The following CCDC63 variants were observed in gnomAD, a reference collection of about 807,000 sequenced individuals.
The protein encoded by CCDC63 is coiled-coil domain containing 63, also known as coiled-coil domain-containing protein 63.
In CCDC63, 54 loss-of-function variants were observed where a neutral mutation model predicts 63.6. The ratio of observed to expected loss-of-function variants is 0.85; its 90% CI spans 0.68 to 1.07. The LOEUF is 1.07. Among genes scored for constraint, CCDC63 ranks in the 50% least tolerant of loss-of-function variants. The pLI, the probability that CCDC63 is intolerant of heterozygous loss-of-function variation, is 0.00. For synonymous variants in CCDC63, 253 were observed against 266.1 expected, an observed-to-expected ratio of 0.95 and a Z score of 0.48; for missense variants, 637 against 689.6, an observed-to-expected ratio of 0.92 and a Z score of 0.86.
intron 7 of CCDC63, among the ~76,000 whole-genome samples, chr12:110,883,238 A>C (rs566806991): frequency 6.6e-6 from 1 of 152,098 alleles, no homozygotes; most frequent in African/African-American, 2.4e-5. Context: ...GGGTTTCACC[A>C]TGTTGGCCAG....
intron 8 of CCDC63, 58 bp from the exon 9 acceptor site, chr12:110,893,018 G>T: frequency 7.4e-7 from 1 of 1,347,468 alleles, no homozygotes; most frequent in Non-Finnish European, 1.1e-6. Flanking sequence ...CTTATTTTTG[G>T]GAGCAGTGGG....
At chr12:110,852,602 A>G (rs2070717942) in intron 1 of CCDC63, among the ~76,000 whole-genome samples, 1 of 152,084 alleles carries the variant, frequency 6.6e-6, no homozygotes, top group South Asian at 2.1e-4. Context: ...CACAGGGAGC[A>G]GGAGGGTAAC....
At chr12:110,868,591 C>G (rs1209841717) in intron 4 of CCDC63, among the ~76,000 whole-genome samples, 3 of 151,702 alleles carry the variant, frequency 2.0e-5, no homozygotes, top group East Asian at 1.9e-4. Context: ...TGTGGCGGCG[C>G]GTGCCTGCAA....
intron 1 of CCDC63, among the ~76,000 whole-genome samples, chr12:110,852,256 C>T (rs752450453): frequency 7.2e-5 from 11 of 152,086 alleles, no homozygotes; most frequent in Non-Finnish European, 1.0e-4. Flanking sequence ...CACACTGCCC[C>T]GATGCCTTTT....
At chr12:110,860,057 T>C (rs1169497026) in intron 4 of CCDC63, among the ~76,000 whole-genome samples, 1 of 152,158 alleles carries the variant, frequency 6.6e-6, no homozygotes, top group Non-Finnish European at 1.5e-5. Context: ...CAGGGTACTT[T>C]GAGAAGAGTT....
intron 10 of CCDC63, among the ~76,000 whole-genome samples, chr12:110,901,301 A>G (rs750104512): frequency 6.6e-6 from 1 of 152,150 alleles, no homozygotes; most frequent in Non-Finnish European, 1.5e-5. Flanking sequence ...ATACTCTTTT[A>G]GTTATTTTAA....
chr12:110,893,150 G>T lies in CCDC63; in HGVS notation c.1149G>T (p.Glu383Asp). 6.2e-7 allele frequency: 1 copy of T among 1,613,332 alleles called. No individual in the cohort carries two copies. The highest frequency in any genetic ancestry group is 8.5e-7 in the Non-Finnish European group (1 of 1,179,302). Residue 383 changes from glutamate (E) to aspartate (D), a missense_variant and splice_region_variant, in exon 9 of 12, where the codon GAG (glutamate) becomes GAT (aspartate). Glu to Asp is a conservative substitution (Grantham distance 45). Transcript: ENST00000308208. ...DDNHSVLRQL[E>D]DKLRKTTEEA... ...ACCACTCTGTCCTGAGACAGCTGGA[G>T]GTGAGAACAGGATCGGGAGGGAGGG... is the stretch of plus-strand genomic sequence containing the variant.
chr12:110,854,156 C>T (rs973867877), intron 3 of CCDC63, among the ~76,000 whole-genome samples: 2 of 151,716 alleles, frequency 1.3e-5, no homozygotes, highest in Non-Finnish European at 2.9e-5. Context: ...CCAGAGAAGG[C>T]GGAAACCCTA....
At chr12:110,886,783 G>C (rs773483794) in intron 8 of CCDC63, among the ~76,000 whole-genome samples, 2 of 152,144 alleles carry the variant, frequency 1.3e-5, no homozygotes, top group Non-Finnish European at 2.9e-5. Context: ...AGGTGCACCC[G>C]GGGGTGGGGA....
intron 5 of CCDC63, among the ~76,000 whole-genome samples, chr12:110,875,663 G>C (rs2071120838): frequency 6.6e-6 from 1 of 152,152 alleles, no homozygotes. Flanking sequence ...GTTGTTCCTA[G>C]TATATCCCTT....
chr12:110,858,450 G>GAC, intron 3 of CCDC63, 136 bp from the exon 4 acceptor site: 1 of 666,652 alleles, frequency 1.5e-6, no homozygotes. Flanking sequence ...TGAGACCATG[G>GAC]ACACGTCCCT....
intron 4 of CCDC63, among the ~76,000 whole-genome samples, chr12:110,867,824 G>T: frequency 6.6e-6 from 1 of 151,622 alleles, no homozygotes; most frequent in Non-Finnish European, 1.5e-5. Flanking sequence ...CAGTAGGGGC[G>T]GCCGGGCAGA....
In CCDC63 at chr12:110,893,179, C is replaced by T. The variant is rs762298005; in HGVS notation, c.1149+29C>T. Reference sequence around the variant, plus strand: ...AGAACAGGATCGGGAGGGAGGGATGCGGGAGCTTCTGTTGTCTGTCTCTGT... The same window carrying T: ...AGAACAGGATCGGGAGGGAGGGATGTGGGAGCTTCTGTTGTCTGTCTCTGT... On this transcript the variant is annotated intron_variant, in intron 9 of 11. Transcript: ENST00000308208. The T allele has an allele frequency of 1.6e-5, 25 of 1,577,556 alleles. No homozygotes were observed. The East Asian group carries it at 3.6e-4, about 23-fold the overall frequency.
intron 8 of CCDC63, among the ~76,000 whole-genome samples, chr12:110,887,891 G>A (rs773393991): frequency 3.9e-5 from 6 of 152,240 alleles, no homozygotes; most frequent in Non-Finnish European, 8.8e-5. Context: ...CACCGCGCCC[G>A]GCCCCAGCCT....
At chr12:110,881,754 A>G (rs2071212447) in intron 7 of CCDC63, among the ~76,000 whole-genome samples, 1 of 152,182 alleles carries the variant, frequency 6.6e-6, no homozygotes, top group African/African-American at 2.4e-5. Flanking sequence ...AATATCAAAT[A>G]AACAATAAAT....
chr12:110,860,628 C>G (rs1358904953), intron 4 of CCDC63, among the ~76,000 whole-genome samples: 1 of 152,120 alleles, frequency 6.6e-6, no homozygotes, highest in African/African-American at 2.4e-5. Flanking sequence ...TCACTCCTGT[C>G]GCCCAGGCTG....
At chr12:110,865,808 A>G (rs759299927) in intron 4 of CCDC63, among the ~76,000 whole-genome samples, 1 of 152,250 alleles carries the variant, frequency 6.6e-6, no homozygotes, top group African/African-American at 2.4e-5. Context: ...CTTTCCAGAT[A>G]GATGACCTAC....
At chr12:110,864,458 T>G (rs1208068016) in intron 4 of CCDC63, among the ~76,000 whole-genome samples, 3 of 147,632 alleles carry the variant, frequency 2.0e-5, no homozygotes, top group Admixed American at 1.4e-4. Flanking sequence ...GCGCCGTGAC[T>G]CATGCCTGTA....
In CCDC63 at chr12:110,873,911, C is replaced by A. The variant is rs760902704; in HGVS notation, c.439C>A (p.Pro147Thr). Residue 147 changes from proline (P) to threonine (T), a missense_variant, in exon 5 of 12, where the codon CCC becomes ACC. Transcript: ENST00000308208. The stretch of plus-strand genomic sequence containing the variant: ...CGCAAAAATGCAGGAGGCCAATAAC[C>A]CCCGGAAACTGCAGAAACAGATTCA... ...IFAKMQEANNPRKLQKQIHIL... is the reference protein window; with the variant it reads ...IFAKMQEANNTRKLQKQIHIL... 4.3e-6 allele frequency: 7 copies of A among 1,612,414 alleles called. No individual in the cohort carries two copies. In the Admixed American group the frequency reaches 1.2e-4, roughly 27 times the overall value.
Sources: allele counts gnomAD v4.1 joint callset (sites outside exome capture counted in the v4.1 genomes callset), GRCh38; gene constraint gnomAD v4.1.1; transcripts MANE v1.5; gene names NCBI Gene and HGNC (gene_info 2026-07-23, HGNC 2026-07-21).